Variants in KLF12 observed in about 807,000 individuals in gnomAD.
The protein encoded by KLF12 is KLF transcription factor 12.
Under a neutral mutation model 37.8 loss-of-function variants are expected in KLF12, and 9 were observed. That is an observed-to-expected ratio of 0.24 (90% CI 0.14 to 0.42). The LOEUF is 0.42. Among genes scored for constraint, KLF12 ranks in the 10% least tolerant of loss-of-function variants. The pLI, the probability that KLF12 is intolerant of heterozygous loss-of-function variation, is 1.00. For missense variants in KLF12, 411 were observed against 516.0 expected (o/e 0.80, Z 1.97); for synonymous variants, 208 against 202.1 (o/e 1.03, Z -0.25).
the KLF12 span, among the ~76,000 whole-genome samples, chr13:74,141,964 T>A: frequency 1.3e-3 from 191 of 152,280 alleles, 2 homozygotes; most frequent in Non-Finnish European, 1.1e-3. Context: ...GAATTCTTGC[T>A]GGCAAACAGA....
At chr13:74,102,284 T>C (rs531741626) in intron 1 of KLF12, among the ~76,000 whole-genome samples, 2 of 151,682 alleles carry the variant, frequency 1.3e-5, no homozygotes, top group Non-Finnish European at 2.9e-5. Flanking sequence ...AAGATGGATA[T>C]TGGTGTAATC....
intron 6 of KLF12, among the ~76,000 whole-genome samples, chr13:73,757,378 T>C (rs1194571423): frequency 2.6e-5 from 4 of 152,172 alleles, no homozygotes; most frequent in Non-Finnish European, 5.9e-5. Flanking sequence ...TTTAAAGAAA[T>C]GTATTATTAG....
chr13:73,944,180 T>C, intron 2 of KLF12, 110 bp from the exon 3 acceptor site: 1 of 674,332 alleles, frequency 1.5e-6, no homozygotes, highest in Non-Finnish European at 2.6e-6. Context: ...CCTAATTTTT[T>C]AAACAATAAA....
chr13:74,167,207 A>G, the KLF12 span, among the ~76,000 whole-genome samples: 1 of 152,264 alleles, frequency 6.6e-6, no homozygotes, highest in Non-Finnish European at 1.5e-5. Flanking sequence ...TGCTCAAGCA[A>G]AGAATGCATT....
chr13:74,257,519 T>A, the KLF12 span: 9 of 152,254 alleles, frequency 5.9e-5, no homozygotes, highest in South Asian at 1.9e-3. Context: ...CATGTATGGA[T>A]GGAAAACCCA....
At chr13:73,706,808 T>C (rs1874986661) in intron 7 of KLF12, among the ~76,000 whole-genome samples, 1 of 152,232 alleles carries the variant, frequency 6.6e-6, no homozygotes, top group Non-Finnish European at 1.5e-5. Context: ...GACTCCTTGC[T>C]GTCTTCATTT....
chr13:73,988,509 A>G (rs1427661896), intron 2 of KLF12, among the ~76,000 whole-genome samples: 2 of 152,238 alleles, frequency 1.3e-5, no homozygotes, highest in Non-Finnish European at 2.9e-5. Context: ...TGTTTGCAAC[A>G]CCACAGGACA....
chr13:74,000,261 C>T (rs1388603299), intron 1 of KLF12, among the ~76,000 whole-genome samples: 1 of 152,096 alleles, frequency 6.6e-6, no homozygotes, highest in East Asian at 1.9e-4. Context: ...GTTATACTTC[C>T]TCAATATCAC....
intron 1 of KLF12, among the ~76,000 whole-genome samples, chr13:74,062,955 C>T (rs938313676): frequency 1.3e-5 from 2 of 152,184 alleles, no homozygotes; most frequent in African/African-American, 2.4e-5. Flanking sequence ...TCTGTGTGGG[C>T]CATTACACAA....
At chr13:74,110,428 CA>C in intron 1 of KLF12, among the ~76,000 whole-genome samples, 1 of 152,260 alleles carries the variant, frequency 6.6e-6, no homozygotes, top group African/African-American at 2.4e-5. Context: ...AATAGTAACC[CA>C]ATGTATTCTG....
chr13:74,050,860 T>C (rs1026921574), intron 1 of KLF12, among the ~76,000 whole-genome samples: 2 of 152,018 alleles, frequency 1.3e-5, no homozygotes, highest in African/African-American at 2.4e-5. Context: ...AGGAACTCAA[T>C]AGCAAGAAAA....
At chr13:73,733,249 T>A (rs1877205133) in intron 6 of KLF12, among the ~76,000 whole-genome samples, 3 of 152,176 alleles carry the variant, frequency 2.0e-5, no homozygotes, top group Non-Finnish European at 1.5e-5. Flanking sequence ...AATATTTACA[T>A]GTAGAGCTTC....
chr13:74,138,643 T>C (rs7327602), upstream of KLF12, among the ~76,000 whole-genome samples: 2,237 of 152,302 alleles, frequency 0.015, 56 homozygotes, highest in African/African-American at 0.049. Flanking sequence ...CTTCATCACA[T>C]CTTCAGATGT....
rs531596659 is a variant in KLF12 at position 73,706,720 on chromosome 13, C to T, written c.1027+8648G>A. On this transcript the variant is annotated intron_variant, in intron 7 of 7. Transcript: ENST00000377669. ...CTGCTGTAGCAACCTGCATAGAGCTCGCTCAGGGCTTTCCTATTACGTATT... is the reference window on the plus strand; with the variant it reads ...CTGCTGTAGCAACCTGCATAGAGCTTGCTCAGGGCTTTCCTATTACGTATT... Among the ~76,000 whole-genome samples, 26 of 152,310 alleles carry T rather than the reference C, an allele frequency of 1.7e-4. 1 individual carries two copies. In the South Asian group the frequency reaches 5.2e-3, roughly 30 times the overall value.
intron 3 of KLF12, among the ~76,000 whole-genome samples, chr13:73,922,227 A>C (rs185138307): frequency 6.6e-6 from 1 of 152,154 alleles, no homozygotes; most frequent in African/African-American, 2.4e-5. Flanking sequence ...CCTTTGCCTT[A>C]AACATTTTAC....
At chr13:73,860,102 G>T (rs1400306571) in intron 3 of KLF12, among the ~76,000 whole-genome samples, 1 of 152,134 alleles carries the variant, frequency 6.6e-6, no homozygotes. Flanking sequence ...TCTGGGTTGC[G>T]TTTTATATGA....
chr13:73,908,295 G>T (rs865932117), intron 3 of KLF12, among the ~76,000 whole-genome samples: 1 of 150,844 alleles, frequency 6.6e-6, no homozygotes, highest in Non-Finnish European at 1.5e-5. Flanking sequence ...CAAGCTACTC[G>T]GGAGGCTGAG....
chr13:73,805,397 G>C (rs1371960350), intron 5 of KLF12, among the ~76,000 whole-genome samples: 1 of 151,902 alleles, frequency 6.6e-6, no homozygotes, highest in East Asian at 1.9e-4. Context: ...AGGCAGGGGG[G>C]TCACTTGAGC....
chr13:73,956,207 T>A (rs1890825216), intron 2 of KLF12, among the ~76,000 whole-genome samples: 1 of 152,196 alleles, frequency 6.6e-6, no homozygotes, highest in Non-Finnish European at 1.5e-5. Flanking sequence ...GCATGACCCA[T>A]AAAAATAGAA....
Sources: allele counts gnomAD v4.1 joint callset (sites outside exome capture counted in the v4.1 genomes callset), GRCh38; gene constraint gnomAD v4.1.1; transcripts MANE v1.5; gene names NCBI Gene and HGNC (gene_info 2026-07-23, HGNC 2026-07-21).